The following PRKCA variants were observed in gnomAD, a reference collection of about 807,000 sequenced individuals.
PRKCA encodes the protein protein kinase C alpha type.
In PRKCA, 27 loss-of-function variants were observed where a neutral mutation model predicts 87.0. The observed-to-expected ratio is 0.31, with a 90% CI of 0.23 to 0.43. The LOEUF (loss-of-function observed/expected upper bound fraction) is 0.43. PRKCA is among the 20% of genes least tolerant of loss of function. The probability of loss-of-function intolerance (pLI) is 1.00; values close to 1 mark genes in which losing one functional copy is unlikely to be tolerated. For synonymous variants in PRKCA, 329 were observed against 311.1 expected, an observed-to-expected ratio of 1.06 and a Z score of -0.61; for missense variants, 518 against 852.3, an observed-to-expected ratio of 0.61 and a Z score of 4.88.
At chr17:66,514,624 G>A (rs779333255) in intron 3 of PRKCA, among the ~76,000 whole-genome samples, 1 of 152,108 alleles carries the variant, frequency 6.6e-6, no homozygotes, top group Non-Finnish European at 1.5e-5. Flanking sequence ...TAGTTTAGCT[G>A]TCTTGTCTTG....
chr17:66,699,566 C>T (rs1973012166), intron 8 of PRKCA, among the ~76,000 whole-genome samples: 1 of 152,202 alleles, frequency 6.6e-6, no homozygotes, highest in Non-Finnish European at 1.5e-5. Flanking sequence ...AGCCCAATGC[C>T]TACTGGCTTC....
At chr17:66,351,273 G>C (rs951268735) in intron 2 of PRKCA, among the ~76,000 whole-genome samples, 2 of 152,234 alleles carry the variant, frequency 1.3e-5, no homozygotes, top group Non-Finnish European at 2.9e-5. Context: ...ATGGGCGCGT[G>C]CCAACTGACA....
intron 3 of PRKCA, among the ~76,000 whole-genome samples, chr17:66,609,466 G>A (rs527681250): frequency 6.6e-6 from 1 of 152,322 alleles, no homozygotes; most frequent in South Asian, 2.1e-4. Context: ...ATGGTACTGT[G>A]ACTTTGCCTA....
intron 3 of PRKCA, among the ~76,000 whole-genome samples, chr17:66,594,039 C>G (rs1409171446): frequency 2.0e-5 from 3 of 152,182 alleles, no homozygotes; most frequent in Admixed American, 2.0e-4. Flanking sequence ...GAGCTGAGAT[C>G]GCACCATTGC....
At chr17:66,351,210 A>G (rs1287886787) in intron 2 of PRKCA, among the ~76,000 whole-genome samples, 2 of 152,226 alleles carry the variant, frequency 1.3e-5, no homozygotes, top group Admixed American at 6.5e-5. Flanking sequence ...TTTCCTGGCC[A>G]GGAAAACCAT....
At chr17:66,554,919 G>A (rs957219294) in intron 3 of PRKCA, among the ~76,000 whole-genome samples, 3 of 142,674 alleles carry the variant, frequency 2.1e-5, no homozygotes, top group East Asian at 3.9e-4. Flanking sequence ...TCACTCTGTC[G>A]CCCAGGCTGG....
chr17:66,585,069 G>GCC (rs1969551496), intron 3 of PRKCA, among the ~76,000 whole-genome samples: 1 of 151,802 alleles, frequency 6.6e-6, no homozygotes, highest in African/African-American at 2.4e-5. Flanking sequence ...CATGGGGAGG[G>GCC]GGGGGTGGTG....
At chr17:66,705,810 T>C (rs1973178758) in intron 8 of PRKCA, among the ~76,000 whole-genome samples, 1 of 152,172 alleles carries the variant, frequency 6.6e-6, no homozygotes, top group Non-Finnish European at 1.5e-5. Context: ...CAAGTCTTCA[T>C]GGCTCTATCT....
intron 14 of PRKCA, among the ~76,000 whole-genome samples, chr17:66,781,896 G>A (rs1269073517): frequency 2.7e-5 from 4 of 146,308 alleles, no homozygotes; most frequent in East Asian, 4.3e-4. Context: ...TAGTGTGTGT[G>A]TGTGTGTGTG....
At chr17:66,761,053 A>G (rs1310092249) in intron 13 of PRKCA, among the ~76,000 whole-genome samples, 3 of 152,152 alleles carry the variant, frequency 2.0e-5, no homozygotes, top group Non-Finnish European at 2.9e-5. Context: ...CCAATTGTAC[A>G]TAGAGCCACA....
chr17:66,382,048 G>A (rs1391098080), intron 2 of PRKCA, among the ~76,000 whole-genome samples: 1 of 152,146 alleles, frequency 6.6e-6, no homozygotes, highest in Non-Finnish European at 1.5e-5. Context: ...ACCATTATGG[G>A]AAACTTTTAG....
At position 66,444,712 on chromosome 17, in the gene PRKCA, C is replaced by A. The variant is rs2143892191; in HGVS notation, c.206-51489C>A. Among the ~76,000 whole-genome samples the A allele has an allele frequency of 1.3e-5, 2 of 152,202 alleles. 1 individual carries two copies. The highest frequency in any genetic ancestry group is 1.3e-4 in the Admixed American group (2 of 15,286). On this transcript the variant is annotated intron_variant, in intron 2 of 16. Transcript: ENST00000413366. The stretch of plus-strand genomic sequence containing the variant: ...GCAATGAATTTCGGGGAGAATCTTC[C>A]CCTCGTTGTCTGCCTGTGTAAGAGT...
chr17:66,641,521 GTTTGCTGAGCAAGGAAGGCTCAGTAAC>G (rs1971297058), intron 4 of PRKCA, 55 bp downstream of exon 4: 1 of 1,338,766 alleles, frequency 7.5e-7, no homozygotes, highest in South Asian at 1.3e-5. Context: ...CATGCTCAGG[GTTTGCTGAGCAAGGAAGGCTCAGTAAC>G]TTTTCAACAC....
At chr17:66,453,507 C>T (rs373408788) in intron 2 of PRKCA, among the ~76,000 whole-genome samples, 7 of 151,846 alleles carry the variant, frequency 4.6e-5, no homozygotes, top group South Asian at 2.1e-4. Context: ...TCAGTAGAAA[C>T]GTGTTTCGCC....
chr17:66,658,586 C>G lies in PRKCA; in HGVS notation c.529+13075C>G, dbSNP rs1971801640. Among the ~76,000 whole-genome samples, 3 of 152,328 alleles carry G rather than the reference C, an allele frequency of 2.0e-5. No individual in the cohort carries two copies. In the South Asian group the frequency reaches 6.2e-4, roughly 32 times the overall value. On this transcript the variant is annotated intron_variant, in intron 5 of 16. Transcript: ENST00000413366. The stretch of plus-strand genomic sequence containing the variant: ...TGTGGGGATTATGAGAACTACAATT[C>G]AAGGTGAGATTTGGGTGGGGACACA...
rs59316874 is a variant in PRKCA at position 66,773,495 on chromosome 17, C to CT, written c.1525-473dup. Among the ~76,000 whole-genome samples the CT allele has an allele frequency of 1.0e-3, 130 of 124,630 alleles. 3 individuals carry two copies. The highest frequency in any genetic ancestry group is 7.1e-3 in the East Asian group (31 of 4,348). The allele number at this position is 124,630 out of a possible 152,430, so 81.8% of individuals were successfully genotyped here. On this transcript the variant is annotated intron_variant, in intron 13 of 16. Transcript: ENST00000413366. ...AACTCTGAATGACCTCTGGCTTTTC[C>CT]TTTTTTTTTTTTTTTTTTTAATTAA...
At chr17:66,525,186 A>G (rs1480382811) in intron 3 of PRKCA, among the ~76,000 whole-genome samples, 2 of 152,142 alleles carry the variant, frequency 1.3e-5, no homozygotes, top group South Asian at 2.1e-4. Context: ...CTGGAGGATG[A>G]GAGACCACGT....
chr17:66,461,474 C>A (rs1438977024), intron 2 of PRKCA, among the ~76,000 whole-genome samples: 1 of 152,090 alleles, frequency 6.6e-6, no homozygotes, highest in Non-Finnish European at 1.5e-5. Flanking sequence ...TGAACAGTTT[C>A]AAATATCCTT....
chr17:66,762,866 C>G (rs1326268284), intron 13 of PRKCA, among the ~76,000 whole-genome samples: 1 of 152,212 alleles, frequency 6.6e-6, no homozygotes, highest in East Asian at 1.9e-4. Context: ...TCATGGCTCC[C>G]TGCAACCTCT....
Sources: allele counts gnomAD v4.1 joint callset (sites outside exome capture counted in the v4.1 genomes callset), GRCh38; gene constraint gnomAD v4.1.1; transcripts MANE v1.5; gene names NCBI Gene and HGNC (gene_info 2026-07-23, HGNC 2026-07-21).